Variants in EPM2A observed in about 807,000 individuals in gnomAD.
EPM2A encodes the protein laforin.
A neutral mutation model predicts 26.5 loss-of-function variants in EPM2A; 21 were observed. That is an observed-to-expected ratio of 0.79 (90% confidence interval 0.56 to 1.14). EPM2A has a LOEUF of 1.14. Among genes scored for constraint, EPM2A ranks in the 50% most tolerant of loss-of-function variants. EPM2A has a pLI of 0.00. For missense variants in EPM2A, 458 were observed against 440.8 expected, an observed-to-expected ratio of 1.04 and a Z score of -0.35; for synonymous variants, 217 against 177.6, an observed-to-expected ratio of 1.22 and a Z score of -1.76.
chr6:145,559,979 C>G (rs777224321), intron 2 of EPM2A, among the ~76,000 whole-genome samples: 1 of 152,046 alleles, frequency 6.6e-6, no homozygotes. Flanking sequence ...TTCACAGGTA[C>G]CATAAGCCGT....
upstream of EPM2A, chr6:145,735,762 T>G: frequency 1.4e-5 from 6 of 418,642 alleles, no homozygotes; most frequent in Non-Finnish European, 2.0e-5. Flanking sequence ...TTTCCACCTG[T>G]GGGCGCTGGG....
chr6:145,730,226 C>T (rs1776418933), intron 1 of EPM2A, among the ~76,000 whole-genome samples: 1 of 152,196 alleles, frequency 6.6e-6, no homozygotes, highest in African/African-American at 2.4e-5. Flanking sequence ...CTAATACACC[C>T]AGTCTCTTCT....
At chr6:145,683,268 GGTGTGTGTGTGTGTGTGT>G (rs35326843) in intron 2 of EPM2A, among the ~76,000 whole-genome samples, 9 of 134,008 alleles carry the variant, frequency 6.7e-5, no homozygotes, top group Admixed American at 1.6e-4. Flanking sequence ...CCCAGGATTT[GGTGTGTGTGTGTGTGTGT>G]GTGTGTGTGT....
intron 1 of EPM2A, among the ~76,000 whole-genome samples, chr6:145,717,133 C>T (rs948505197): frequency 6.6e-6 from 1 of 152,090 alleles, no homozygotes; most frequent in Non-Finnish European, 1.5e-5. Context: ...CAGCATCATC[C>T]TGATACCAAA....
chr6:145,439,600 C>T (rs190034631), intron 4 of EPM2A, among the ~76,000 whole-genome samples: 5 of 151,982 alleles, frequency 3.3e-5, no homozygotes, highest in Admixed American at 1.3e-4. Context: ...GCTTGTTGGC[C>T]GCATGTGGGT....
chr6:145,585,632 A>T (rs1352586594), intron 2 of EPM2A, among the ~76,000 whole-genome samples: 1 of 151,980 alleles, frequency 6.6e-6, no homozygotes, highest in Non-Finnish European at 1.5e-5. Context: ...AGTCTTATTT[A>T]TGGGTTATAT....
rs142164872 is a variant in EPM2A, at chr6:145,547,524, G to A, written c.341-44949C>T. Among the ~76,000 whole-genome samples the A allele has an allele frequency of 3.3e-5, 5 of 152,222 alleles. No individual in the cohort carries two copies. The East Asian group carries it at 5.8e-4, about 18-fold the overall frequency. The stretch of plus-strand genomic sequence containing the variant: ...TTTAAGCCTTTGGGTGTACATGGAA[G>A]CACATTCTACAAGAAAAACAACAAA... On this transcript the variant is annotated intron_variant, in intron 2 of 3. Transcript: ENST00000450221.
At chr6:145,444,586 C>G (rs965123792) in intron 4 of EPM2A, among the ~76,000 whole-genome samples, 2 of 152,128 alleles carry the variant, frequency 1.3e-5, no homozygotes, top group Non-Finnish European at 2.9e-5. Context: ...TCAGGATGAT[C>G]CTGGACCCAT....
intron 4 of EPM2A, chr6:145,490,627 C>T: frequency 3.1e-6 from 2 of 652,134 alleles, no homozygotes; most frequent in Admixed American, 1.8e-5. Flanking sequence ...CCAAAGATAC[C>T]TTTCATTGCA....
At chr6:145,480,484 G>A (rs1435103694) in intron 4 of EPM2A, among the ~76,000 whole-genome samples, 1 of 152,030 alleles carries the variant, frequency 6.6e-6, no homozygotes, top group Non-Finnish European at 1.5e-5. Context: ...AGCTGTAAGA[G>A]ATCTTTTTAT....
intron 4 of EPM2A, among the ~76,000 whole-genome samples, chr6:145,435,650 A>G (rs532995742): frequency 6.6e-6 from 1 of 151,844 alleles, no homozygotes; most frequent in Non-Finnish European, 1.5e-5. Context: ...ACCCAGTCTC[A>G]GGTATTTCTG....
At chr6:145,608,152 C>T (rs1775309158) in intron 2 of EPM2A, among the ~76,000 whole-genome samples, 1 of 152,188 alleles carries the variant, frequency 6.6e-6, no homozygotes, top group African/African-American at 2.4e-5. Flanking sequence ...ACTTTTATTA[C>T]AGTATACTGT....
intron 2 of EPM2A, among the ~76,000 whole-genome samples, chr6:145,562,444 C>T (rs935527531): frequency 6.6e-6 from 1 of 152,096 alleles, no homozygotes; most frequent in Non-Finnish European, 1.5e-5. Context: ...TGAATAACAG[C>T]ATTGAGTATC....
chr6:145,396,595 C>T, intron 4 of EPM2A, among the ~76,000 whole-genome samples: 1 of 101,804 alleles, frequency 9.8e-6, no homozygotes, highest in East Asian at 2.5e-4. Context: ...GGTACATAAA[C>T]TTTGCAATGT....
chr6:145,594,460 C>T (rs1415640132), intron 2 of EPM2A, among the ~76,000 whole-genome samples: 2 of 151,548 alleles, frequency 1.3e-5, no homozygotes, highest in Non-Finnish European at 3.0e-5. Flanking sequence ...TCTAAGATGC[C>T]ACATTAGCTT....
chr6:145,515,808 T>G (rs1780118237), intron 2 of EPM2A, among the ~76,000 whole-genome samples: 1 of 152,170 alleles, frequency 6.6e-6, no homozygotes, highest in Admixed American at 6.5e-5. Flanking sequence ...AAGCCCTTTG[T>G]GTGAAGGGAA....
intron 1 of EPM2A, among the ~76,000 whole-genome samples, chr6:145,695,580 T>A (rs928059209): frequency 6.6e-6 from 1 of 151,702 alleles, no homozygotes; most frequent in Admixed American, 6.6e-5. Flanking sequence ...CACACGTAGA[T>A]GGAAAATAAA....
intron 2 of EPM2A, among the ~76,000 whole-genome samples, chr6:145,591,613 A>T (rs1428135351): frequency 6.6e-6 from 1 of 152,174 alleles, no homozygotes; most frequent in Non-Finnish European, 1.5e-5. Flanking sequence ...ATCTTTAAAA[A>T]GTGAAGGAGA....
chr6:145,444,455 C>T (rs1351175520), intron 4 of EPM2A, among the ~76,000 whole-genome samples: 2 of 152,068 alleles, frequency 1.3e-5, no homozygotes, highest in East Asian at 3.9e-4. Flanking sequence ...CCTACTTGAC[C>T]ATGGTTGATG....
Sources: gnomAD v4.1 joint callset for allele counts (sites outside exome capture counted in the v4.1 genomes callset) on GRCh38, gnomAD v4.1.1 for gene constraint, MANE v1.5 for transcripts, NCBI Gene and HGNC (gene_info 2026-07-23, HGNC 2026-07-21) for gene names.